Variants in DGKB observed in about 807,000 individuals in gnomAD.
The protein encoded by DGKB is diacylglycerol kinase beta, also known as 90 kDa diacylglycerol kinase.
Under a neutral mutation model 114.3 loss-of-function variants are expected in DGKB, and 67 were observed. That is an observed-to-expected ratio of 0.59 (90% CI 0.48 to 0.72). DGKB has a LOEUF of 0.72. Among genes scored for constraint, DGKB ranks in the 30% least tolerant of loss-of-function variants. The pLI is 0.00. For missense variants in DGKB, 907 were observed against 975.2 expected, an observed-to-expected ratio of 0.93 and a Z score of 0.93; for synonymous variants, 398 against 323.1, an observed-to-expected ratio of 1.23 and a Z score of -2.49.
chr7:14,838,833 G>C (rs370262205), intron 2 of DGKB, among the ~76,000 whole-genome samples: 1 of 152,092 alleles, frequency 6.6e-6, no homozygotes, highest in East Asian at 1.9e-4. Context: ...GGCATATTTT[G>C]ATATGCTTGC....
At chr7:14,398,303 C>A (rs1343760170) in intron 21 of DGKB, among the ~76,000 whole-genome samples, 1 of 151,876 alleles carries the variant, frequency 6.6e-6, no homozygotes, top group Non-Finnish European at 1.5e-5. Context: ...TGAGCTGAGG[C>A]CTTGAGACTG....
At chr7:14,269,401 A>G (rs1421309970) in intron 23 of DGKB, among the ~76,000 whole-genome samples, 2 of 152,208 alleles carry the variant, frequency 1.3e-5, no homozygotes, top group African/African-American at 4.8e-5. Flanking sequence ...AACCACCACA[A>G]GTAGGTTTAA....
chr7:14,867,933 G>T (rs2128190665), intron 1 of DGKB, among the ~76,000 whole-genome samples: 1 of 152,254 alleles, frequency 6.6e-6, no homozygotes, highest in East Asian at 1.9e-4. Flanking sequence ...GAAGAATCCT[G>T]CTGCATTCTT....
At chr7:14,873,648 T>C (rs1852813944) in intron 1 of DGKB, among the ~76,000 whole-genome samples, 2 of 151,626 alleles carry the variant, frequency 1.3e-5, no homozygotes, top group Admixed American at 6.6e-5. Context: ...ACATATACTA[T>C]ATATATATAC....
At chr7:14,525,783 T>A (rs567465434) in intron 20 of DGKB, among the ~76,000 whole-genome samples, 34 of 152,318 alleles carry the variant, frequency 2.2e-4, no homozygotes, top group African/African-American at 7.7e-4. Flanking sequence ...TTTTATTATT[T>A]GTTCGGGTAA....
intron 21 of DGKB, among the ~76,000 whole-genome samples, chr7:14,401,248 C>A (rs542098485): frequency 6.6e-6 from 1 of 151,974 alleles, no homozygotes; most frequent in Admixed American, 6.6e-5. Context: ...TCAGATCAAG[C>A]CAATTTCTTA....
At chr7:14,718,023 T>A (rs144791831) in intron 6 of DGKB, among the ~76,000 whole-genome samples, 91 of 152,326 alleles carry the variant, frequency 6.0e-4, no homozygotes, top group African/African-American at 2.2e-3. Flanking sequence ...GTTTAATGAT[T>A]TATAATATCC....
chr7:14,712,779 T>A (rs1283420049), intron 6 of DGKB, among the ~76,000 whole-genome samples: 1 of 152,070 alleles, frequency 6.6e-6, no homozygotes, highest in Non-Finnish European at 1.5e-5. Flanking sequence ...CTATAAAACC[T>A]TTCTCTTTTA....
intron 2 of DGKB, among the ~76,000 whole-genome samples, chr7:14,787,837 G>A (rs535137447): frequency 1.3e-5 from 2 of 152,346 alleles, no homozygotes; most frequent in Admixed American, 1.3e-4. Context: ...TGCTGGAGAA[G>A]GGACAGGAAA....
At chr7:14,606,903 T>C (rs150189266) in intron 17 of DGKB, among the ~76,000 whole-genome samples, 5 of 152,158 alleles carry the variant, frequency 3.3e-5, no homozygotes, top group South Asian at 4.1e-4. Context: ...CATTAACCCA[T>C]TTATGCTGGA....
At chr7:14,496,194 T>C (rs1326851666) in intron 20 of DGKB, among the ~76,000 whole-genome samples, 1 of 151,848 alleles carries the variant, frequency 6.6e-6, no homozygotes, top group African/African-American at 2.4e-5. Flanking sequence ...TCATCAAACA[T>C]GTGCATAAGA....
intron 20 of DGKB, among the ~76,000 whole-genome samples, chr7:14,520,507 GT>G (rs1789589094): frequency 6.6e-6 from 1 of 151,614 alleles, no homozygotes; most frequent in Non-Finnish European, 1.5e-5. Context: ...CTTGCATAAA[GT>G]TTTGTATGTT....
At chr7:14,458,738 C>G (rs1013303531) in intron 21 of DGKB, among the ~76,000 whole-genome samples, 2 of 152,218 alleles carry the variant, frequency 1.3e-5, no homozygotes, top group Non-Finnish European at 2.9e-5. Context: ...CCTACACCAC[C>G]AGGGCCATGG....
chr7:14,542,551 G>A (rs140395591), intron 20 of DGKB, among the ~76,000 whole-genome samples: 1,703 of 152,198 alleles, frequency 0.011, 19 homozygotes, highest in Non-Finnish European at 0.015. Flanking sequence ...AATTTCACTA[G>A]TTTTGCATTT....
chr7:14,465,584 T>C (rs1833712457), intron 21 of DGKB, among the ~76,000 whole-genome samples: 1 of 152,118 alleles, frequency 6.6e-6, no homozygotes, highest in Non-Finnish European at 1.5e-5. Flanking sequence ...GTTAATTTAG[T>C]TTTGCAACAC....
At chr7:14,818,189 C>A (rs926923511) in intron 2 of DGKB, among the ~76,000 whole-genome samples, 1 of 152,168 alleles carries the variant, frequency 6.6e-6, no homozygotes, top group African/African-American at 2.4e-5. Context: ...AACTAAGATA[C>A]ATTTATTTCA....
At chr7:14,437,953 T>G (rs1270114212) in intron 21 of DGKB, among the ~76,000 whole-genome samples, 1 of 151,826 alleles carries the variant, frequency 6.6e-6, no homozygotes, top group Non-Finnish European at 1.5e-5. Flanking sequence ...ATAGATAAAA[T>G]TACAAAAATT....
chr7:14,332,080 A>G (rs1368960366), intron 23 of DGKB, among the ~76,000 whole-genome samples: 1 of 152,170 alleles, frequency 6.6e-6, no homozygotes, highest in Non-Finnish European at 1.5e-5. Flanking sequence ...GGGGCTACTT[A>G]TCTGAGTTTG....
chr7:14,868,161 G>C (rs1429277577), intron 1 of DGKB, among the ~76,000 whole-genome samples: 3 of 152,052 alleles, frequency 2.0e-5, no homozygotes, highest in Admixed American at 6.6e-5. Context: ...CCTAGGGTCA[G>C]TCTTTCACTG....
Sources: allele counts gnomAD v4.1 joint callset (sites outside exome capture counted in the v4.1 genomes callset), GRCh38; gene constraint gnomAD v4.1.1; transcripts MANE v1.5; gene names NCBI Gene and HGNC (gene_info 2026-07-23, HGNC 2026-07-21).